The following CACNA1B variants were observed in gnomAD, a reference collection of about 807,000 sequenced individuals.
CACNA1B encodes the protein voltage-dependent N-type calcium channel subunit alpha-1B.
In CACNA1B, 70 loss-of-function variants were observed where a neutral mutation model predicts 247.2. The observed-to-expected ratio is 0.28, with a 90% CI of 0.23 to 0.35. CACNA1B has a LOEUF of 0.35. CACNA1B is among the 10% of genes least tolerant of loss of function. The probability of loss-of-function intolerance (pLI) is 1.00; values close to 1 mark genes in which losing one functional copy is unlikely to be tolerated. For synonymous variants in CACNA1B, 1,231 were observed against 1,294.4 expected, an observed-to-expected ratio of 0.95 and a Z score of 1.05; for missense variants, 2,367 against 3,197.4, an observed-to-expected ratio of 0.74 and a Z score of 6.26.
chr9:138,047,451 T>G lies in CACNA1B; in HGVS notation c.3596T>G (p.Val1199Gly). The G allele has an allele frequency of 6.2e-7, 1 of 1,609,834 alleles. No homozygotes were observed. The highest frequency in any genetic ancestry group is 8.5e-7 in the Non-Finnish European group (1 of 1,176,112). ...ACTGGTGTCTTTACCTTTGAGATGGTGATAAAGGTGAGATATGTGGCTGCC... is the reference window on the plus strand; with the variant it reads ...ACTGGTGTCTTTACCTTTGAGATGGGGATAAAGGTGAGATATGTGGCTGCC... ...IFTGVFTFEM[V>G]IKMIDLGLLL... is the part of the protein sequence containing the mutation. Residue 1199 changes from valine to glycine, a missense_variant, in exon 23 of 47, where the codon GTG (valine) becomes GGG (glycine). By Grantham distance (109) the Val-to-Gly change is moderately radical (BLOSUM62 -3). Around this residue, in one of 12 missense-constraint regions of CACNA1B, gnomAD observed 436 missense variants for 679.5 expected, o/e 0.64. Transcript: ENST00000371372.
intron 36 of CACNA1B, among the ~76,000 whole-genome samples, chr9:138,091,045 C>T (rs1960862414): frequency 6.6e-6 from 1 of 152,074 alleles, no homozygotes. Flanking sequence ...GGTATATATC[C>T]AAACGGAGGG....
chr9:138,058,994 C>T lies in CACNA1B; in HGVS notation c.4474-85C>T. On this transcript the variant is annotated intron_variant, in intron 29 of 46. Coordinates refer to ENST00000371372, the MANE Select transcript of CACNA1B (RefSeq NM_000718.4). The surrounding 1 kb of genome is among the most constrained non-coding windows in gnomAD (Gnocchi z 4.7). ...CTAGGCAGGCATCGAGTTCTGTCTG[C>T]CCGCTTTGCTTGGTCATAGTGGTCC... 2.4e-6 allele frequency: 2 copies of T among 833,866 alleles called. No individual in the cohort carries two copies. Among genetic ancestry groups the T allele is most frequent in the Non-Finnish European group, 2.0e-6 (1 of 495,494 alleles). 51.7% of individuals were successfully genotyped at this position (833,866 alleles called of 1,614,324 possible). A position where few individuals can be genotyped will look rare whatever the true frequency, so the allele number is the denominator to read the frequency against.
chr9:137,935,716 A>G (rs1028502115), intron 6 of CACNA1B, among the ~76,000 whole-genome samples: 1 of 152,122 alleles, frequency 6.6e-6, no homozygotes, highest in Admixed American at 6.5e-5. Flanking sequence ...TACACTCCCA[A>G]CAACAGTGTA....
intron 6 of CACNA1B, among the ~76,000 whole-genome samples, chr9:137,937,035 G>A (rs1362585805): frequency 1.3e-5 from 2 of 152,186 alleles, no homozygotes; most frequent in African/African-American, 2.4e-5. Context: ...TTGGTAGCTT[G>A]ATGGGGATGG....
intron 20 of CACNA1B, among the ~76,000 whole-genome samples, chr9:138,035,541 G>A (rs187739721): frequency 9.9e-5 from 15 of 152,238 alleles, no homozygotes; most frequent in Admixed American, 3.9e-4. Flanking sequence ...AGTTTCTGAT[G>A]GATTGGTAGT....
At position 138,058,012 on chromosome 9, in the gene CACNA1B, G is replaced by T; in HGVS notation, c.4107-37G>T. The T allele has an allele frequency of 3.1e-6, 5 of 1,589,460 alleles. No homozygotes were observed. The highest frequency in any genetic ancestry group is 4.3e-6 in the Non-Finnish European group (5 of 1,157,612). On this transcript the variant is annotated intron_variant, in intron 27 of 46. Transcript: ENST00000371372. This position sits in a 1 kb window ranked among gnomAD's most constrained non-coding sequence, Gnocchi z 4.7. ...TTGAGTTCTTAGGGCTGTCTCCTTT[G>T]GGGGTTCCCCTGACACTTGCTCTCC...
At chr9:137,892,231 A>C (rs978093780) in intron 3 of CACNA1B, 3 of 456,768 alleles carry the variant, frequency 6.6e-6, no homozygotes, top group Admixed American at 4.7e-5. Context: ...AACAGCAGAC[A>C]TTTCCTTCTC....
In CACNA1B at chr9:137,918,212, G is replaced by C. The variant is rs545287940; in HGVS notation, c.966+781G>C. ...TGATTGAAGTTGAGTATAAGGCTTG[G>C]GGGGGGTGCCTGATGGCCCAGCTCC... On this transcript the variant is annotated intron_variant, in intron 6 of 46. Transcript: ENST00000371372. Among the ~76,000 whole-genome samples the C allele has an allele frequency of 1.3e-4, 19 of 151,974 alleles. No individual in the cohort carries two copies. In the East Asian group the frequency reaches 1.5e-3, roughly 12 times the overall value.
rs1958836181 is a variant in CACNA1B at position 138,020,816 on chromosome 9, C to T, written c.2268-2195C>T. ...AGGTGTTTCCTGGGCGAGAAGGAGC[C>T]ACACCTGAATGCAAGGGTGAGGGCA... is the stretch of plus-strand genomic sequence containing the variant. On this transcript the variant is annotated intron_variant, in intron 18 of 46. Transcript: ENST00000371372. This position sits in a 1 kb window ranked among gnomAD's most constrained non-coding sequence, Gnocchi z 4.1. 6.6e-6 allele frequency among the ~76,000 whole-genome samples: 1 copy of T among 152,220 alleles called. No individual in the cohort carries two copies.
rs147374601 is a variant in CACNA1B at position 138,076,536 on chromosome 9, G to A, written c.4949+626G>A. ...AACCTGGAGGGGCCAAGAGGCCATG[G>A]CACAAGCTTCGGGGCCTTCTGAGAT... On this transcript the variant is annotated intron_variant, in intron 35 of 46. Transcript: ENST00000371372. Among the ~76,000 whole-genome samples the A allele has an allele frequency of 2.8e-4, 43 of 152,340 alleles. No homozygotes were observed. The East Asian group carries it at 8.3e-3, about 29-fold the overall frequency.
chr9:138,066,417 A>C (rs1235813555), intron 31 of CACNA1B, among the ~76,000 whole-genome samples: 1 of 152,200 alleles, frequency 6.6e-6, no homozygotes, highest in Non-Finnish European at 1.5e-5. Flanking sequence ...ACTGCACTCC[A>C]GTCTGGGCAA....
At chr9:137,951,856 G>A (rs942402558) in intron 6 of CACNA1B, among the ~76,000 whole-genome samples, 1 of 152,248 alleles carries the variant, frequency 6.6e-6, no homozygotes, top group African/African-American at 2.4e-5. Flanking sequence ...ACTTGGGCCT[G>A]TGGGCCCCCT....
At chr9:138,062,903 C>T (rs1384408789) in intron 31 of CACNA1B, among the ~76,000 whole-genome samples, 1 of 152,246 alleles carries the variant, frequency 6.6e-6, no homozygotes, top group Non-Finnish European at 1.5e-5. Context: ...TATGCCATCT[C>T]CAAAACGCAA....
Position 137,963,928 on chromosome 9 carries a change from G to C in CACNA1B, c.1333+6241G>C, listed in dbSNP as rs551478203. On this transcript the variant is annotated intron_variant, in intron 10 of 46. Coordinates refer to ENST00000371372, the MANE Select transcript of CACNA1B (RefSeq NM_000718.4). ...CCTCAGCATTTGCTTGCCTGAAAAG[G>C]ATCTTATTTCTCCTTCACTTATGAA... Among the ~76,000 whole-genome samples, 172 of 152,300 alleles carry C rather than the reference G, an allele frequency of 1.1e-3. 1 individual carries two copies. The highest frequency in any genetic ancestry group is 3.9e-3 in the African/African-American group (161 of 41,572).
At position 137,905,301 on chromosome 9, in the gene CACNA1B, C is replaced by T. The variant is rs990309531; in HGVS notation, c.531-7879C>T. Among the ~76,000 whole-genome samples the T allele has an allele frequency of 4.3e-4, 65 of 149,558 alleles. No homozygotes were observed. In the East Asian group the frequency reaches 8.4e-3, roughly 19 times the overall value. ...CCAGGAGGCGGAGCTTGCAGTGAGC[C>T]GAGATTGTGCCACTGCACTCCAGCC... is the stretch of plus-strand genomic sequence containing the variant. On this transcript the variant is annotated intron_variant, in intron 3 of 46. Transcript: ENST00000371372.
At chr9:137,918,216 G>GA (rs1176967660) in intron 6 of CACNA1B, among the ~76,000 whole-genome samples, 1 of 151,992 alleles carries the variant, frequency 6.6e-6, no homozygotes, top group Non-Finnish European at 1.5e-5. Flanking sequence ...GGCTTGGGGG[G>GA]GGTGCCTGAT....
chr9:137,931,701 G>A (rs1957609749), intron 6 of CACNA1B, among the ~76,000 whole-genome samples: 1 of 152,126 alleles, frequency 6.6e-6, no homozygotes, highest in Non-Finnish European at 1.5e-5. Context: ...TCTGTCTAGT[G>A]GAGACATGGT....
chr9:137,906,342 A>G (rs1053286564), intron 3 of CACNA1B, among the ~76,000 whole-genome samples: 2 of 152,106 alleles, frequency 1.3e-5, no homozygotes, highest in African/African-American at 2.4e-5. Flanking sequence ...GAAAAGCTAT[A>G]AGGTGAAGGG....
chr9:138,104,809 A>C (rs1229622822), intron 38 of CACNA1B, among the ~76,000 whole-genome samples: 1 of 152,202 alleles, frequency 6.6e-6, no homozygotes, highest in East Asian at 1.9e-4. Context: ...CCCACGCTCA[A>C]AATATTCCAG....
Sources: allele counts gnomAD v4.1 joint callset (sites outside exome capture counted in the v4.1 genomes callset), GRCh38; gene constraint gnomAD v4.1.1; regional missense constraint gnomAD v4.1.1; non-coding constraint Gnocchi (gnomAD v3.1); transcripts MANE v1.5; gene names NCBI Gene and HGNC (gene_info 2026-07-23, HGNC 2026-07-21).